ADGRL3: variants seen among roughly 807,000 people sequenced by gnomAD.
ADGRL3 encodes calcium-independent alpha-latrotoxin receptor 3.
Under a neutral mutation model 153.5 loss-of-function variants are expected in ADGRL3, and 62 were observed. The observed-to-expected ratio is 0.40, with a 90% confidence interval of 0.33 to 0.50. The LOEUF (loss-of-function observed/expected upper bound fraction) is 0.50, where lower values mean the gene tolerates loss of function less well. Ranked by LOEUF, ADGRL3 falls within the 20% of genes least tolerant of loss-of-function variation. The pLI, the probability that ADGRL3 is intolerant of heterozygous loss-of-function variation, is 0.47. For missense variants in ADGRL3, 1,641 were observed against 1,859.4 expected (o/e 0.88, Z 2.16); for synonymous variants, 710 against 672.5 (o/e 1.06, Z -0.86).
chr4:61,458,851 C>A (rs145597210), intron 2 of ADGRL3, among the ~76,000 whole-genome samples: 5,601 of 151,338 alleles, frequency 0.037, 117 homozygotes, highest in South Asian at 0.09. Context: ...ATGTAGTCTG[C>A]ATGATACTAG....
chr4:61,830,026 T>G lies in ADGRL3; in HGVS notation c.1480+16137T>G, dbSNP rs535450522. 3.1e-3 allele frequency among the ~76,000 whole-genome samples: 470 copies of G among 151,982 alleles called. 4 individuals carry two copies. The highest frequency in any genetic ancestry group is 0.011 in the African/African-American group (443 of 41,482). ...CTACAAAAAAAAAAATTTTTTTTTT[T>G]TTGAGACAGATTCTACTCTGGCACC... On this transcript the variant is annotated intron_variant, in intron 9 of 26. Transcript: ENST00000683033.
At chr4:61,980,306 AT>A (rs756680977) in intron 18 of ADGRL3, among the ~76,000 whole-genome samples, 13,984 of 73,602 alleles carry the variant, frequency 0.19, 1,224 homozygotes, top group East Asian at 0.58. Context: ...GTAACCACTA[AT>A]TTTTTTTTTT....
chr4:61,711,602 G>T (rs1273741181), intron 6 of ADGRL3, among the ~76,000 whole-genome samples: 7 of 150,618 alleles, frequency 4.6e-5, no homozygotes, highest in African/African-American at 1.2e-4. Flanking sequence ...TGGACAGCCC[G>T]TAGTACCAGA....
intron 9 of ADGRL3, among the ~76,000 whole-genome samples, chr4:61,820,593 C>T (rs2097742276): frequency 6.6e-6 from 1 of 152,096 alleles, no homozygotes; most frequent in African/African-American, 2.4e-5. Context: ...ATTTTTAAAA[C>T]TTTCATTATT....
chr4:61,964,001 C>T (rs2150531424), intron 17 of ADGRL3, among the ~76,000 whole-genome samples: 1 of 152,254 alleles, frequency 6.6e-6, no homozygotes, highest in Non-Finnish European at 1.5e-5. Context: ...CCTTTAATGT[C>T]TACATAGATT....
chr4:61,483,991 TTAAA>T (rs1236885611), intron 2 of ADGRL3, among the ~76,000 whole-genome samples: 5 of 151,894 alleles, frequency 3.3e-5, no homozygotes, highest in Non-Finnish European at 7.4e-5. Flanking sequence ...TTTAAATATA[TTAAA>T]TAAATTCTGC....
chr4:61,276,969 C>T (rs187553237), intron 1 of ADGRL3, among the ~76,000 whole-genome samples: 45 of 152,178 alleles, frequency 3.0e-4, no homozygotes, highest in African/African-American at 1.0e-3. Flanking sequence ...AAGTCCTGTA[C>T]AAGCTTAAAT....
Position 61,412,491 on chromosome 4 carries a change from G to T in ADGRL3, c.-174+29302G>T, listed in dbSNP as rs75265946. On this transcript the variant is annotated intron_variant, in intron 2 of 26. Transcript: ENST00000683033. ...TTGTTCTGGGAATACTGATGTGGAT[G>T]CCTGACTCAGCCTAGCCTAGATTAA... Among the ~76,000 whole-genome samples the T allele has an allele frequency of 5.2e-3, 797 of 152,312 alleles. 10 individuals carry two copies. Among genetic ancestry groups the T allele is most frequent in the African/African-American group, 0.018 (752 of 41,556 alleles).
At chr4:61,798,049 AG>A (rs1324671394) in intron 8 of ADGRL3, among the ~76,000 whole-genome samples, 9 of 152,198 alleles carry the variant, frequency 5.9e-5, no homozygotes, top group African/African-American at 2.2e-4. Flanking sequence ...TGTTTAGAAA[AG>A]GTATCTTGAT....
intron 1 of ADGRL3, among the ~76,000 whole-genome samples, chr4:61,229,158 A>C (rs918606054): frequency 2.6e-5 from 4 of 152,122 alleles, no homozygotes; most frequent in African/African-American, 9.7e-5. Context: ...GATTATTTTA[A>C]AGTGGTCTCC....
intron 1 of ADGRL3, among the ~76,000 whole-genome samples, chr4:61,217,021 A>G (rs1211001153): frequency 1.3e-5 from 2 of 152,200 alleles, no homozygotes; most frequent in South Asian, 2.1e-4. Flanking sequence ...GCAGTTCCCA[A>G]AAGACTAGCT....
chr4:61,999,449 A>G (rs1277776522), intron 21 of ADGRL3, among the ~76,000 whole-genome samples: 1 of 152,242 alleles, frequency 6.6e-6, no homozygotes, highest in Non-Finnish European at 1.5e-5. Context: ...TTTTAGAAAG[A>G]TAGTAATATT....
At chr4:61,506,946 A>C (rs1560750473) in intron 3 of ADGRL3, among the ~76,000 whole-genome samples, 1 of 152,142 alleles carries the variant, frequency 6.6e-6, no homozygotes, top group Non-Finnish European at 1.5e-5. Flanking sequence ...AAATAAAAAA[A>C]ACCCTCTGTA....
chr4:61,592,564 T>A (rs1408435683), intron 5 of ADGRL3, among the ~76,000 whole-genome samples: 3 of 152,184 alleles, frequency 2.0e-5, no homozygotes, highest in Admixed American at 2.0e-4. Flanking sequence ...AGAAGGAAGA[T>A]AACTTTTCCC....
intron 8 of ADGRL3, among the ~76,000 whole-genome samples, chr4:61,765,942 T>C (rs1325754218): frequency 6.6e-6 from 1 of 152,074 alleles, no homozygotes; most frequent in Non-Finnish European, 1.5e-5. Flanking sequence ...ATTTCCATGA[T>C]GGAAAGGAAA....
At chr4:61,517,586 A>G (rs916929603) in intron 4 of ADGRL3, 68 bp downstream of exon 4, 8 of 686,862 alleles carry the variant, frequency 1.2e-5, no homozygotes, top group Non-Finnish European at 1.9e-5. Flanking sequence ...GCTCAGCCCC[A>G]GGAAATGCCC....
chr4:61,880,935 G>A (rs988576321), intron 9 of ADGRL3, among the ~76,000 whole-genome samples: 4 of 152,076 alleles, frequency 2.6e-5, no homozygotes, highest in African/African-American at 7.2e-5. Context: ...TACAACCCAC[G>A]ATAAAATTAG....
intron 1 of ADGRL3, among the ~76,000 whole-genome samples, chr4:61,258,820 T>C (rs565068950): frequency 5.3e-5 from 8 of 152,288 alleles, no homozygotes; most frequent in South Asian, 2.1e-4. Flanking sequence ...TTCACTCATA[T>C]ATATCACAAA....
At chr4:61,891,269 G>T (rs1317152680) in intron 9 of ADGRL3, among the ~76,000 whole-genome samples, 2 of 152,100 alleles carry the variant, frequency 1.3e-5, no homozygotes, top group Non-Finnish European at 2.9e-5. Context: ...TTGGTTATTT[G>T]GGAGATATAG....
Sources: gnomAD v4.1 joint callset for allele counts (sites outside exome capture counted in the v4.1 genomes callset) on GRCh38, gnomAD v4.1.1 for gene constraint, MANE v1.5 for transcripts, NCBI Gene and HGNC (gene_info 2026-07-23, HGNC 2026-07-21) for gene names.